The following BRD1 variants were observed in gnomAD, a reference collection of about 807,000 sequenced individuals.
The protein encoded by BRD1 is bromodomain-containing protein 1.
BRD1 carries 24 observed loss-of-function variants against 107.7 expected under a neutral mutation model. The ratio of observed to expected loss-of-function variants is 0.22; its 90% confidence interval spans 0.16 to 0.31. The LOEUF (loss-of-function observed/expected upper bound fraction) is 0.31, where lower values mean the gene tolerates loss of function less well. BRD1 is among the 10% of genes least tolerant of loss of function. BRD1 has a pLI of 1.00. For missense variants in BRD1, 1,279 were observed against 1,638.6 expected (o/e 0.78, Z 3.79); for synonymous variants, 744 against 686.1 (o/e 1.08, Z -1.32).
intron 8 of BRD1, among the ~76,000 whole-genome samples, chr22:49,780,399 T>C (rs988379154): frequency 1.6e-4 from 24 of 152,198 alleles, no homozygotes; most frequent in Admixed American, 1.0e-3. Flanking sequence ...CATGAAAATG[T>C]GACAGCACCC....
chr22:49,812,911 C>T (rs1015318868), intron 2 of BRD1, among the ~76,000 whole-genome samples: 2 of 152,186 alleles, frequency 1.3e-5, no homozygotes, highest in Non-Finnish European at 2.9e-5. Context: ...ACGCCAGGAC[C>T]ATTCTGGAGA....
chr22:49,801,619 C>T (rs1159753033), intron 3 of BRD1, among the ~76,000 whole-genome samples: 1 of 152,232 alleles, frequency 6.6e-6, no homozygotes, highest in East Asian at 1.9e-4. Flanking sequence ...CCAGGCAGCT[C>T]CTTCTGCTCC....
intron 2 of BRD1, among the ~76,000 whole-genome samples, chr22:49,820,604 T>G (rs2060047416): frequency 6.6e-6 from 1 of 152,124 alleles, no homozygotes; most frequent in African/African-American, 2.4e-5. Context: ...AGACCCTGTC[T>G]CTAAACATAA....
At chr22:49,775,394 C>A (rs146713487) in intron 12 of BRD1, 197 bp downstream of exon 12, 8 of 460,238 alleles carry the variant, frequency 1.7e-5, no homozygotes, top group African/African-American at 1.2e-4. Context: ...TGCTCAGTGC[C>A]CGTCCCACAG....
intron 12 of BRD1, 173 bp downstream of exon 12, chr22:49,775,418 G>T: frequency 1.7e-6 from 1 of 572,878 alleles, no homozygotes; most frequent in Non-Finnish European, 2.7e-6. Flanking sequence ...CGGCGAGGGG[G>T]CTGGGCAGTG....
chr22:49,806,982 G>A (rs901561812), intron 2 of BRD1: 1 of 141,924 alleles, frequency 7.0e-6, no homozygotes, highest in Non-Finnish European at 1.5e-5. Context: ...TGAGGAACAA[G>A]AGCGAGACTT....
chr22:49,801,451 G>GC (rs1353069480), intron 3 of BRD1, among the ~76,000 whole-genome samples: 1 of 152,194 alleles, frequency 6.6e-6, no homozygotes, highest in African/African-American at 2.4e-5. Context: ...GGAATCAAAT[G>GC]CATCAGGTAC....
chr22:49,799,421 C>T (rs750389655), intron 3 of BRD1, among the ~76,000 whole-genome samples: 9 of 151,742 alleles, frequency 5.9e-5, no homozygotes, highest in East Asian at 1.9e-4. Flanking sequence ...AAGCTGGCGG[C>T]GGGGGGGGCC....
At chr22:49,821,607 CT>C (rs138878) in intron 2 of BRD1, among the ~76,000 whole-genome samples, 43,447 of 133,262 alleles carry the variant, frequency 0.33, 11,067 homozygotes, top group African/African-American at 0.71. Flanking sequence ...CTTAAAACTT[CT>C]TTTTTTTTTT....
Position 49,794,117 on chromosome 22 carries a change from T to C in BRD1, c.2276A>G (p.His759Arg), listed in dbSNP as rs748114916. ...TGGCCCCGTGGGCAGGGGCTGGCTG[T>C]GCTGCTGGCTCAGCTTGTTTCGGAG... is the stretch of plus-strand genomic sequence containing the variant. ...ALLRNKLSQQ[H>R]SQPLPTGPGL... The change falls in exon 7 of 13, where the codon CAC (histidine) becomes CGC (arginine). Residue 759 changes from histidine to arginine, a missense_variant. His to Arg is a conservative substitution (Grantham distance 29). Coordinates refer to ENST00000404760, the MANE Select transcript of BRD1 (RefSeq NM_001304808.3). The C allele has an allele frequency of 6.2e-7, 1 of 1,614,252 alleles. No homozygotes were observed. The highest frequency in any genetic ancestry group is 8.5e-7 in the Non-Finnish European group (1 of 1,180,050).
chr22:49,776,188 G>C (rs747571605), intron 10 of BRD1, 29 bp from the exon 11 acceptor site: 1 of 1,585,720 alleles, frequency 6.3e-7, no homozygotes, highest in East Asian at 2.2e-5. Flanking sequence ...GCAGGACACA[G>C]GCGTCAGCAG....
chr22:49,820,298 G>A (rs1022963457), intron 2 of BRD1, among the ~76,000 whole-genome samples: 2 of 152,260 alleles, frequency 1.3e-5, no homozygotes, highest in East Asian at 3.9e-4. Context: ...CTCAGATGGG[G>A]TCTCATCTCC....
At chr22:49,817,519 CTG>C in intron 2 of BRD1, 1 of 157,722 alleles carries the variant, frequency 6.3e-6, no homozygotes, top group South Asian at 1.8e-4. Flanking sequence ...TGCTGAATGA[CTG>C]TGCTGTGATG....
Position 49,803,302 on chromosome 22 carries a change from C to G in BRD1, c.1524+902G>C, listed in dbSNP as rs183461544. Among the ~76,000 whole-genome samples the G allele has an allele frequency of 1.3e-5, 2 of 152,362 alleles. No homozygotes were observed. The highest frequency in any genetic ancestry group is 3.9e-4 in the East Asian group (2 of 5,186). On this transcript the variant is annotated intron_variant, in intron 3 of 12. Coordinates refer to ENST00000404760, the MANE Select transcript of BRD1 (RefSeq NM_001304808.3). The surrounding 1 kb of genome is among the most constrained non-coding windows in gnomAD (Gnocchi z 4.4). ...CTCAAGCTTCCTGTGAGCAAGTCAC[C>G]ACCTCACAGCAGAGCAGGATGGTTT...
At chr22:49,797,416 G>A (rs1335032841) in intron 6 of BRD1, among the ~76,000 whole-genome samples, 1 of 152,120 alleles carries the variant, frequency 6.6e-6, no homozygotes, top group Non-Finnish European at 1.5e-5. Context: ...GCATCGTCGA[G>A]ACCGGCCACC....
chr22:49,781,104 GCTGCA>G (rs1449027102), intron 8 of BRD1, among the ~76,000 whole-genome samples: 2 of 152,130 alleles, frequency 1.3e-5, no homozygotes, highest in African/African-American at 4.8e-5. Flanking sequence ...CAACACAGGA[GCTGCA>G]CGGAATTCCC....
At chr22:49,779,417 G>T (rs139662531) in intron 8 of BRD1, among the ~76,000 whole-genome samples, 31 of 152,316 alleles carry the variant, frequency 2.0e-4, no homozygotes, top group African/African-American at 7.5e-4. Flanking sequence ...CACAGATTGG[G>T]CGGGTGCACT....
intron 2 of BRD1, among the ~76,000 whole-genome samples, chr22:49,818,005 T>C (rs546414231): frequency 6.6e-6 from 1 of 152,228 alleles, no homozygotes; most frequent in Non-Finnish European, 1.5e-5. Context: ...CACTCTAATT[T>C]AAATGCATGA....
At chr22:49,815,991 G>A (rs1222643127) in intron 2 of BRD1, among the ~76,000 whole-genome samples, 1 of 152,038 alleles carries the variant, frequency 6.6e-6, no homozygotes, top group African/African-American at 2.4e-5. Flanking sequence ...CACCCACACT[G>A]CCCGGGAGGC....
Sources: allele counts gnomAD v4.1 joint callset (sites outside exome capture counted in the v4.1 genomes callset), GRCh38; gene constraint gnomAD v4.1.1; non-coding constraint Gnocchi (gnomAD v3.1); transcripts MANE v1.5; gene names NCBI Gene and HGNC (gene_info 2026-07-23, HGNC 2026-07-21).